The following STARD9 variants were observed in gnomAD, a reference collection of about 807,000 sequenced individuals.
The protein encoded by STARD9 is StAR related lipid transfer domain containing 9.
A neutral mutation model predicts 399.8 loss-of-function variants in STARD9; 346 were observed. That is an observed-to-expected ratio of 0.87 (90% confidence interval 0.79 to 0.95). The LOEUF is 0.95. STARD9 is among the 40% of genes least tolerant of loss of function. STARD9 has a pLI of 0.00. For synonymous variants in STARD9, 2,203 were observed against 2,143.5 expected (o/e 1.03, Z -0.77); for missense variants, 5,832 against 5,667.5 (o/e 1.03, Z -0.93).
Position 42,684,633 on chromosome 15 carries a change from G to T in STARD9, c.3055G>T (p.Ala1019Ser). 1 of 1,537,150 alleles carries T rather than the reference G, an allele frequency of 6.5e-7. No homozygotes were observed. The highest frequency in any genetic ancestry group is 8.7e-7 in the Non-Finnish European group (1 of 1,146,890). The stretch of plus-strand genomic sequence containing the variant: ...GTATCCTCATGGACCCAGGCAGACT[G>T]CTGGGCACGGAAAGGCAGTCAAGAC... Reference protein sequence around the residue: ...SLYPHGPRQTAGHGKAVKTFW... With the variant: ...SLYPHGPRQTSGHGKAVKTFW... The change falls in exon 23 of 33, where the codon GCT becomes TCT. Residue 1019 changes from alanine (A) to serine (S), a missense_variant. By Grantham distance (99) the Ala-to-Ser change is moderately conservative. This residue lies in a region of STARD9 where 5,828 missense variants were observed against 5,651.1 expected (regional missense o/e 1.03). Coordinates refer to ENST00000290607, the MANE Select transcript of STARD9 (RefSeq NM_020759.3).
At chr15:42,707,468 CT>C (rs544507849) in intron 26 of STARD9, among the ~76,000 whole-genome samples, 15,819 of 134,616 alleles carry the variant, frequency 0.12, 1,799 homozygotes, top group African/African-American at 0.35. Flanking sequence ...GAGTGAAAAA[CT>C]TTTTTTTTTT....
intron 3 of STARD9, among the ~76,000 whole-genome samples, chr15:42,588,034 A>G (rs139831057): frequency 6.6e-6 from 1 of 152,376 alleles, no homozygotes; most frequent in Non-Finnish European, 1.5e-5. Context: ...TTTGTGGCGT[A>G]GAAGACAGTG....
chr15:42,718,492 G>C lies in STARD9; in HGVS notation c.13820G>C (p.Cys4607Ser), dbSNP rs1010963792. 13 of 1,537,156 alleles carry C rather than the reference G, an allele frequency of 8.5e-6. No homozygotes were observed. The East Asian group carries it at 9.8e-5, about 12-fold the overall frequency. The change falls in exon 31 of 33, where the codon TGT becomes TCT. Residue 4607 changes from cysteine to serine, a missense_variant. Physicochemically the swap from Cys to Ser is moderately radical, Grantham distance 112 (BLOSUM62 -1). This residue lies in a region of STARD9 where 5,828 missense variants were observed against 5,651.1 expected (regional missense o/e 1.03). Coordinates refer to ENST00000290607, the MANE Select transcript of STARD9 (RefSeq NM_020759.3). ...CALKQPRDFC[C>S]VCVEAKEGHL... ...CTGAAGCAGCCACGGGATTTCTGTT[G>C]TGTCTGCGTGGAAGCCAAAGAGGTG... is the stretch of plus-strand genomic sequence containing the variant.
Position 42,695,804 on chromosome 15 carries a change from G to A in STARD9, c.13208G>A (p.Ser4403Asn), listed in dbSNP as rs1005040984. ...SSSLCTSSNGSLSSGMTSGYN... is the reference protein window; with the variant it reads ...SSSLCTSSNGNLSSGMTSGYN... ...TCCCTGTGCACCAGCTCTAATGGAAGCCTCTCGTCTGGCATGACCTCTGGC... is the reference window on the plus strand; with the variant it reads ...TCCCTGTGCACCAGCTCTAATGGAAACCTCTCGTCTGGCATGACCTCTGGC... Residue 4403 changes from serine (S) to asparagine (N), a missense_variant, in exon 26 of 33, where the codon AGC becomes AAC. Physicochemically the swap from Ser to Asn is conservative, Grantham distance 46. Around this residue, in one of 2 missense-constraint regions of STARD9, gnomAD observed 5,828 missense variants for 5,651.1 expected, o/e 1.03. Transcript: ENST00000290607. 3.3e-6 allele frequency: 5 copies of A among 1,537,146 alleles called. No homozygotes were observed. The highest frequency in any genetic ancestry group is 2.7e-5 in the African/African-American group (2 of 73,062).
chr15:42,652,251 G>C (rs1245342452), intron 8 of STARD9, among the ~76,000 whole-genome samples: 1 of 149,410 alleles, frequency 6.7e-6, no homozygotes, highest in Non-Finnish European at 1.5e-5. Flanking sequence ...CTTTTCACTT[G>C]AATTTTTGCT....
intron 15 of STARD9, among the ~76,000 whole-genome samples, chr15:42,666,818 A>G (rs1452141819): frequency 6.6e-6 from 1 of 151,878 alleles, no homozygotes; most frequent in South Asian, 2.1e-4. Flanking sequence ...TTTTTTTATT[A>G]ATTTTATTTT....
At position 42,719,591 on chromosome 15, in the gene STARD9, T is replaced by A; in HGVS notation, c.*17T>A. Reference sequence around the variant, plus strand: ...GGTAGGTAGCATCTCACCGTCAAGATGGTGCTGCTGAGATGCAGGCCCAGG... The same window carrying A: ...GGTAGGTAGCATCTCACCGTCAAGAAGGTGCTGCTGAGATGCAGGCCCAGG... On this transcript the variant is annotated 3_prime_UTR_variant, in exon 33 of 33. Coordinates refer to ENST00000290607, the MANE Select transcript of STARD9 (RefSeq NM_020759.3). 2 of 1,481,352 alleles carry A rather than the reference T, an allele frequency of 1.4e-6. No homozygotes were observed. The highest frequency in any genetic ancestry group is 2.4e-5 in the South Asian group (2 of 82,920). The allele number at this position is 1,481,352 out of a possible 1,614,324, so 91.8% of individuals were successfully genotyped here. A position where few individuals can be genotyped will look rare whatever the true frequency, so the allele number is the denominator to read the frequency against.
rs1479246171 is a variant in STARD9, at chr15:42,684,791, A to G, written c.3213A>G (p.Gln1071=). The G allele has an allele frequency of 2.0e-6, 3 of 1,537,170 alleles. No homozygotes were observed. Among genetic ancestry groups the G allele is most frequent in the East Asian group, 2.4e-5 (1 of 40,932 alleles). ...HLPLGSPLKR[Q]QNTRDPDTMV... is the part of the protein sequence containing the mutation. ...CTCTTGGCAGTCCTTTGAAGAGACA[A>G]CAAAATACAAGGGACCCAGACACCA... Residue 1071 remains glutamine, a synonymous_variant, in exon 23 of 33, where the codon CAA becomes CAG. Coordinates refer to ENST00000290607, the MANE Select transcript of STARD9 (RefSeq NM_020759.3).
rs754778418 is a variant in STARD9, at chr15:42,661,180, C to G, written c.725C>G (p.Pro242Arg). The change falls in exon 10 of 33, where the codon CCT (proline) becomes CGT (arginine). Residue 242 changes from proline to arginine, a missense_variant. Pro to Arg is a moderately radical substitution (Grantham distance 103, BLOSUM62 -2). This residue lies in a region of STARD9 where 5,828 missense variants were observed against 5,651.1 expected (regional missense o/e 1.03). Coordinates refer to ENST00000290607, the MANE Select transcript of STARD9 (RefSeq NM_020759.3). ...TAGGCAATCCTGGAGAACAACCTCC[C>G]TTCTGAAATGGCTAGCAAGATCAAC... ...YTQAILENNLPSEMASKINLV... is the reference protein window; with the variant it reads ...YTQAILENNLRSEMASKINLV... The G allele has an allele frequency of 3.6e-5, 55 of 1,536,910 alleles. No homozygotes were observed. The highest frequency in any genetic ancestry group is 3.3e-4 in the Middle Eastern group (2 of 5,990).
intron 3 of STARD9, among the ~76,000 whole-genome samples, chr15:42,627,982 T>G (rs975124493): frequency 1.3e-5 from 2 of 152,212 alleles, no homozygotes; most frequent in African/African-American, 4.8e-5. Flanking sequence ...ATTTTATCTT[T>G]AGTGTTTTTT....
At chr15:42,635,054 T>C in intron 4 of STARD9, 82 bp downstream of exon 4, 1 of 655,194 alleles carries the variant, frequency 1.5e-6, no homozygotes, top group Non-Finnish European at 2.4e-6. Flanking sequence ...AGACAGAATA[T>C]GATTTCTGTA....
In STARD9 at chr15:42,663,392, C is replaced by T; in HGVS notation, c.980C>T (p.Pro327Leu). 6.5e-7 allele frequency: 1 copy of T among 1,537,264 alleles called. No individual in the cohort carries two copies. The highest frequency in any genetic ancestry group is 8.7e-7 in the Non-Finnish European group (1 of 1,146,896). ...SPSGTSSGGA[P>L]SRRQSYIPYR... ...TCTGGGACCAGCAGTGGAGGGGCAC[C>T]CTCCCGAAGGCAGTCTTATATCCCA... Residue 327 changes from proline to leucine, a missense_variant, in exon 12 of 33, where the codon CCC (proline) becomes CTC (leucine). Physicochemically the swap from Pro to Leu is moderately conservative, Grantham distance 98. Transcript: ENST00000290607.
intron 26 of STARD9, among the ~76,000 whole-genome samples, chr15:42,711,627 T>A (rs2061226087): frequency 1.3e-5 from 2 of 152,142 alleles, no homozygotes; most frequent in Admixed American, 1.3e-4. Flanking sequence ...CAACAAGGGG[T>A]CCTTCATGTT....
intron 26 of STARD9, among the ~76,000 whole-genome samples, chr15:42,700,216 A>G (rs2060936300): frequency 6.6e-6 from 1 of 152,218 alleles, no homozygotes; most frequent in African/African-American, 2.4e-5. Flanking sequence ...TCTCTTGGTT[A>G]TTGTGAGTAG....
chr15:42,604,808 T>A (rs2058697559), intron 3 of STARD9, among the ~76,000 whole-genome samples: 1 of 151,832 alleles, frequency 6.6e-6, no homozygotes, highest in Non-Finnish European at 1.5e-5. Context: ...CACACCTGGC[T>A]AATTTTTTAT....
intron 3 of STARD9, among the ~76,000 whole-genome samples, chr15:42,634,047 C>G (rs372695475): frequency 3.9e-4 from 60 of 152,174 alleles, no homozygotes; most frequent in African/African-American, 1.4e-3. Flanking sequence ...CCCACCAAGA[C>G]TGACACAACC....
chr15:42,691,982 C>T lies in STARD9; in HGVS notation c.10404C>T (p.Pro3468=). 6.5e-7 allele frequency: 1 copy of T among 1,537,252 alleles called. No individual in the cohort carries two copies. The highest frequency in any genetic ancestry group is 8.7e-7 in the Non-Finnish European group (1 of 1,146,904). The part of the protein sequence containing the change: ...MLHFGSSDIS[P]YALPWRPEEP... ...ACTTTGGCTCCAGTGACATCAGTCC[C>T]TATGCGCTGCCGTGGCGTCCGGAGG... Residue 3468 remains proline, a synonymous_variant, in exon 23 of 33, where the codon CCC becomes CCT. Coordinates refer to ENST00000290607, the MANE Select transcript of STARD9 (RefSeq NM_020759.3).
intron 3 of STARD9, among the ~76,000 whole-genome samples, chr15:42,624,689 C>T (rs2059162217): frequency 1.3e-5 from 2 of 152,036 alleles, no homozygotes; most frequent in Admixed American, 6.5e-5. Context: ...GCTGGGACTA[C>T]AGGCATGCGC....
Position 42,685,040 on chromosome 15 carries a change from G to C in STARD9, c.3462G>C (p.Lys1154Asn). The change falls in exon 23 of 33, where the codon AAG becomes AAC. Residue 1154 changes from lysine (K) to asparagine (N), a missense_variant. Physicochemically the swap from Lys to Asn is moderately conservative, Grantham distance 94. Transcript: ENST00000290607. ...SQLSEDSLAE[K>N]RYQSPKNRLG... Reference sequence around the variant, plus strand: ...TATCTGAGGACTCACTGGCTGAGAAGAGGTACCAAAGCCCCAAAAACAGGC... The same window carrying C: ...TATCTGAGGACTCACTGGCTGAGAACAGGTACCAAAGCCCCAAAAACAGGC... 1 of 1,537,236 alleles carries C rather than the reference G, an allele frequency of 6.5e-7. No individual in the cohort carries two copies. Among genetic ancestry groups the C allele is most frequent in the South Asian group, 1.2e-5 (1 of 84,066 alleles).
Sources: allele counts gnomAD v4.1 joint callset (sites outside exome capture counted in the v4.1 genomes callset), GRCh38; gene constraint gnomAD v4.1.1; regional missense constraint gnomAD v4.1.1; transcripts MANE v1.5; gene names NCBI Gene and HGNC (gene_info 2026-07-23, HGNC 2026-07-21).